Variants in RNF128 observed in about 807,000 individuals in gnomAD.
RNF128 encodes the protein E3 ubiquitin-protein ligase RNF128.
Under a neutral mutation model 26.2 loss-of-function variants are expected in RNF128, and 13 were observed. The ratio of observed to expected loss-of-function variants is 0.50; its 90% CI spans 0.32 to 0.79. The LOEUF (loss-of-function observed/expected upper bound fraction) is 0.79. Among genes scored for constraint, RNF128 ranks in the 30% least tolerant of loss-of-function variants. RNF128 has a pLI of 0.03. For missense variants in RNF128, 315 were observed against 349.7 expected (o/e 0.90, Z 0.79); for synonymous variants, 149 against 142.5 (o/e 1.05, Z -0.32).
upstream of RNF128, among the ~76,000 whole-genome samples, chrX:106,724,177 A>T (rs1929358750): frequency 9.0e-6 from 1 of 110,879 alleles, no homozygotes; most frequent in Admixed American, 9.6e-5. Context: ...CCTCAGAGTA[A>T]TTTCTAACTC....
chrX:106,756,718 A>G lies in RNF128; in HGVS notation c.485-16195A>G, dbSNP rs1280754336. Among the ~76,000 whole-genome samples the G allele has an allele frequency of 5.5e-5, 6 of 109,471 alleles. No individual in the cohort carries two copies. In the East Asian group the frequency reaches 1.1e-3, roughly 21 times the overall value. ...CAAAACACCAAAAGCAATGGCAACA[A>G]AAGAAAAAATTGACAAATGGGATCT... On this transcript the variant is annotated intron_variant, in intron 1 of 6. Coordinates refer to ENST00000255499, the MANE Select transcript of RNF128 (RefSeq NM_194463.2).
At chrX:106,754,003 G>A (rs1451883258) in intron 1 of RNF128, among the ~76,000 whole-genome samples, 1 of 111,284 alleles carries the variant, frequency 9.0e-6, no homozygotes, top group African/African-American at 3.3e-5. Context: ...AATAATAGCT[G>A]GAGACTTCAA....
rs886778032 is a variant in RNF128 at position 106,796,779 on chromosome X, A to C, written c.*1066A>C. 1.8e-5 allele frequency: 2 copies of C among 111,706 alleles called. No individual in the cohort carries two copies. The highest frequency in any genetic ancestry group is 3.8e-5 in the Non-Finnish European group (2 of 53,037). The allele number at this position is 111,706 out of a possible 1,213,427, so 9.2% of individuals were successfully genotyped here. Reference sequence around the variant, plus strand: ...ACCAAAGTTAAATAGAGCTATTTAAAAATGCACTTTATTTGTACTCTGTGT... The same window carrying C: ...ACCAAAGTTAAATAGAGCTATTTAACAATGCACTTTATTTGTACTCTGTGT... On this transcript the variant is annotated 3_prime_UTR_variant, in exon 7 of 7. Coordinates refer to ENST00000255499, the MANE Select transcript of RNF128 (RefSeq NM_194463.2).
At chrX:106,725,652 A>G (rs1453008563), upstream of RNF128, among the ~76,000 whole-genome samples, 1 of 112,542 alleles carries the variant, frequency 8.9e-6, no homozygotes, top group African/African-American at 3.2e-5. Flanking sequence ...ATTGCTAAGC[A>G]TTGTTCTAAG....
intron 1 of RNF128, among the ~76,000 whole-genome samples, chrX:106,712,055 C>T (rs1192674403): frequency 8.9e-6 from 1 of 112,162 alleles, no homozygotes; most frequent in African/African-American, 3.2e-5. Context: ...ATTTAATTAC[C>T]TGCATGTGGC....
intron 1 of RNF128, among the ~76,000 whole-genome samples, chrX:106,694,644 A>G (rs1010631833): frequency 6.3e-5 from 7 of 111,668 alleles, no homozygotes; most frequent in African/African-American, 1.9e-4. Flanking sequence ...TTTCTTAGCA[A>G]TATAAGTTTC....
rs1930402031 is a variant in RNF128, at chrX:106,772,996, A to G, written c.568A>G (p.Thr190Ala). 1 of 1,209,730 alleles carries G rather than the reference A, an allele frequency of 8.3e-7. No individual in the cohort carries two copies. The highest frequency in any genetic ancestry group is 1.1e-6 in the Non-Finnish European group (1 of 895,078). Residue 190 changes from threonine to alanine, a missense_variant, in exon 2 of 7, where the codon ACA (threonine) becomes GCA (alanine). Physicochemically the swap from Thr to Ala is moderately conservative, Grantham distance 58. Coordinates refer to ENST00000255499, the MANE Select transcript of RNF128 (RefSeq NM_194463.2). ...LQSIQRGIQV[T>A]MVIEVGKKHG... is the part of the protein sequence containing the mutation. ...ATCTATTCAAAGAGGCATACAAGTG[A>G]CAATGGTCATAGAAGTAGGGAAAAA...
intron 1 of RNF128, among the ~76,000 whole-genome samples, chrX:106,742,887 G>A (rs959982068): frequency 9.0e-6 from 1 of 111,119 alleles, no homozygotes; most frequent in African/African-American, 3.3e-5. Context: ...TATGTATATA[G>A]TGTGTGTACA....
chrX:106,694,456 G>A (rs760803126), intron 1 of RNF128: 19 of 1,036,641 alleles, frequency 1.8e-5, no homozygotes, highest in Non-Finnish European at 2.5e-5. Flanking sequence ...GTTTATCTTA[G>A]AATGGTATTT....
rs753702369 is a variant in RNF128 at position 106,787,994 on chromosome X, C to T, written c.881C>T (p.Thr294Met). 3.5e-6 allele frequency: 4 copies of T among 1,128,041 alleles called. No homozygotes were observed. The highest frequency in any genetic ancestry group is 2.6e-5 in the Admixed American group (1 of 38,289). The allele number at this position is 1,128,041 out of a possible 1,213,427, so 93.0% of individuals were successfully genotyped here. Residue 294 changes from threonine to methionine, a missense_variant, in exon 4 of 7, where the codon ACG (threonine) becomes ATG (methionine). Coordinates refer to ENST00000255499, the MANE Select transcript of RNF128 (RefSeq NM_194463.2). ...CCAAATGATTTGGTACGCATCTTAA[C>T]GTGCAAGTAAGTTTGATTTTCTTCT... ...YKPNDLVRIL[T>M]CNHIFHKTCV...
chrX:106,735,206 A>C (rs1344201619), intron 1 of RNF128, among the ~76,000 whole-genome samples: 1 of 111,797 alleles, frequency 8.9e-6, no homozygotes, highest in Non-Finnish European at 1.9e-5. Context: ...GGACTTGATG[A>C]AGGTTGTTAG....
At position 106,785,046 on chromosome X, in the gene RNF128, G is replaced by C. The variant is rs1416093385; in HGVS notation, c.733-19G>C. On this transcript the variant is annotated intron_variant, in intron 2 of 6. Transcript: ENST00000255499. ...TTAAAAAATAGTTTTTCTAATACCTGCTGTTTTTTTTTTTACAGAGGCAAT... is the reference window on the plus strand; with the variant it reads ...TTAAAAAATAGTTTTTCTAATACCTCCTGTTTTTTTTTTTACAGAGGCAAT... 22 of 1,113,103 alleles carry C rather than the reference G, an allele frequency of 2.0e-5. No individual in the cohort carries two copies. Among genetic ancestry groups the C allele is most frequent in the Non-Finnish European group, 2.5e-5 (21 of 833,737 alleles). The allele number at this position is 1,113,103 out of a possible 1,213,427, so 91.7% of individuals were successfully genotyped here. A position where few individuals can be genotyped will look rare whatever the true frequency, so the allele number is the denominator to read the frequency against.
chrX:106,772,879 A>G (rs751907525), intron 1 of RNF128, 34 bp from the exon 2 acceptor site: 16 of 1,184,090 alleles, frequency 1.4e-5, no homozygotes, highest in Non-Finnish European at 1.8e-5. Flanking sequence ...AGAATGTTTC[A>G]CCAAACTAAA....
chrX:106,742,431 A>G (rs983325041), intron 1 of RNF128, among the ~76,000 whole-genome samples: 1 of 111,508 alleles, frequency 9.0e-6, no homozygotes, highest in African/African-American at 3.3e-5. Context: ...TTAAACCTGC[A>G]GATTCCCAAG....
intron 1 of RNF128, among the ~76,000 whole-genome samples, chrX:106,706,443 G>C (rs1339367411): frequency 9.1e-6 from 1 of 110,346 alleles, no homozygotes; most frequent in Non-Finnish European, 1.9e-5. Context: ...TGTTTACTGA[G>C]AGCCAAATAT....
intron 6 of RNF128, among the ~76,000 whole-genome samples, chrX:106,791,515 A>G (rs1488293081): frequency 9.0e-6 from 1 of 111,592 alleles, no homozygotes; most frequent in Non-Finnish European, 1.9e-5. Flanking sequence ...CTTATTAACT[A>G]ATTACAGAGG....
At chrX:106,791,001 A>G in intron 5 of RNF128, 65 bp from the exon 6 acceptor site, 3 of 1,021,820 alleles carry the variant, frequency 2.9e-6, no homozygotes, top group East Asian at 3.1e-5. Flanking sequence ...AGAAACTTTG[A>G]AGTGATATGT....
chrX:106,721,291 G>A (rs1929306298), intron 1 of RNF128, among the ~76,000 whole-genome samples: 1 of 111,919 alleles, frequency 8.9e-6, no homozygotes, highest in South Asian at 3.7e-4. Flanking sequence ...TCACTTAGAT[G>A]CCAGGATACC....
rs1384868144 is a variant in RNF128 at position 106,773,782 on chromosome X, C to T, written c.732+622C>T. ...AAACAACAGAGCAAAAATACCAAAG[C>T]ATTACTGAACAGTAAAGTACCTATG... On this transcript the variant is annotated intron_variant, in intron 2 of 6. Transcript: ENST00000255499. Among the ~76,000 whole-genome samples, 4 of 111,283 alleles carry T rather than the reference C, an allele frequency of 3.6e-5. No homozygotes were observed. In the Admixed American group the frequency reaches 3.8e-4, roughly 11 times the overall value.
Sources: gnomAD v4.1 joint callset for allele counts (sites outside exome capture counted in the v4.1 genomes callset) on GRCh38, gnomAD v4.1.1 for gene constraint, MANE v1.5 for transcripts, NCBI Gene and HGNC (gene_info 2026-07-23, HGNC 2026-07-21) for gene names.